The following CAMTA1 variants were observed in gnomAD, a reference collection of about 807,000 sequenced individuals.
The protein encoded by CAMTA1 is calmodulin binding transcription activator 1, also known as calmodulin-binding transcription activator 1.
In CAMTA1, 27 loss-of-function variants were observed where a neutral mutation model predicts 170.9. That is an observed-to-expected ratio of 0.16 (90% CI 0.12 to 0.22). The LOEUF is 0.22. Among genes scored for constraint, CAMTA1 ranks in the 10% least tolerant of loss-of-function variants. CAMTA1 has a pLI of 1.00. For synonymous variants in CAMTA1, 833 were observed against 891.5 expected, an observed-to-expected ratio of 0.93 and a Z score of 1.17; for missense variants, 1,619 against 2,217.2, an observed-to-expected ratio of 0.73 and a Z score of 5.42.
chr1:7,149,425 G>GA (rs964819858), intron 4 of CAMTA1, among the ~76,000 whole-genome samples: 1 of 152,160 alleles, frequency 6.6e-6, no homozygotes, highest in Non-Finnish European at 1.5e-5. Flanking sequence ...AAATGTAGCA[G>GA]AAAAAAATGT....
At chr1:6,940,744 G>A (rs1686304778) in intron 3 of CAMTA1, among the ~76,000 whole-genome samples, 1 of 152,068 alleles carries the variant, frequency 6.6e-6, no homozygotes, top group Non-Finnish European at 1.5e-5. Context: ...GATTACTGGA[G>A]CCCTCGGAGT....
intron 3 of CAMTA1, among the ~76,000 whole-genome samples, chr1:6,867,504 G>A (rs189327931): frequency 4.3e-4 from 66 of 152,314 alleles, no homozygotes; most frequent in African/African-American, 1.6e-3. Context: ...CCTGCTGGCA[G>A]GAGAGGGAGA....
Position 6,965,083 on chromosome 1 carries a change from C to T in CAMTA1, c.235-126221C>T, listed in dbSNP as rs547389974. Among the ~76,000 whole-genome samples the T allele has an allele frequency of 1.1e-4, 16 of 152,276 alleles. No homozygotes were observed. The South Asian group carries it at 3.1e-3, about 30-fold the overall frequency. On this transcript the variant is annotated intron_variant, in intron 3 of 22. Transcript: ENST00000303635. This position sits in a 1 kb window ranked among gnomAD's most constrained non-coding sequence, Gnocchi z 4.1. ...TGCCTGACCCTCTCTTACTTGGGTGCATGGTGCTGGCAAGGAAGAAGCAGG... is the reference window on the plus strand; with the variant it reads ...TGCCTGACCCTCTCTTACTTGGGTGTATGGTGCTGGCAAGGAAGAAGCAGG...
intron 3 of CAMTA1, among the ~76,000 whole-genome samples, chr1:6,826,959 G>A (rs1445933419): frequency 6.6e-6 from 1 of 152,130 alleles, no homozygotes; most frequent in Non-Finnish European, 1.5e-5. Context: ...TTATTTACAT[G>A]TTGCACCTTA....
intron 5 of CAMTA1, among the ~76,000 whole-genome samples, chr1:7,357,947 C>T (rs527945822): frequency 1.3e-5 from 2 of 152,284 alleles, no homozygotes; most frequent in East Asian, 3.9e-4. Context: ...CCCTCAGGGA[C>T]TCTTTGGATG....
intron 3 of CAMTA1, among the ~76,000 whole-genome samples, chr1:7,029,917 A>G (rs1399460915): frequency 6.6e-6 from 1 of 152,232 alleles, no homozygotes; most frequent in Non-Finnish European, 1.5e-5. Context: ...GGTAATGTTT[A>G]ACATTTTTGC....
intron 3 of CAMTA1, among the ~76,000 whole-genome samples, chr1:6,883,324 G>C (rs553158876): frequency 1.3e-5 from 2 of 152,310 alleles, no homozygotes; most frequent in South Asian, 2.1e-4. Context: ...AGAGCTGTAT[G>C]AGTGAAATGG....
chr1:6,851,396 G>A (rs1335021594), intron 3 of CAMTA1, among the ~76,000 whole-genome samples: 1 of 152,164 alleles, frequency 6.6e-6, no homozygotes, highest in Non-Finnish European at 1.5e-5. Flanking sequence ...ATTATAGAGT[G>A]AGTCTTAGGG....
At chr1:7,718,382 G>T (rs920094540) in intron 11 of CAMTA1, among the ~76,000 whole-genome samples, 4 of 152,078 alleles carry the variant, frequency 2.6e-5, no homozygotes, top group Non-Finnish European at 5.9e-5. Flanking sequence ...CTTAATTATT[G>T]TATCCATACC....
At chr1:7,090,484 A>G (rs773991485) in intron 3 of CAMTA1, among the ~76,000 whole-genome samples, 7 of 152,132 alleles carry the variant, frequency 4.6e-5, no homozygotes, top group Non-Finnish European at 8.8e-5. Context: ...TTTAACTTAC[A>G]ATCCCTGCCA....
intron 4 of CAMTA1, among the ~76,000 whole-genome samples, chr1:7,133,584 A>T (rs1645383630): frequency 6.6e-6 from 1 of 152,126 alleles, no homozygotes; most frequent in Non-Finnish European, 1.5e-5. Flanking sequence ...ATATGTGAAA[A>T]GTCTTGTTTC....
chr1:7,499,953 G>T (rs1317561669), intron 6 of CAMTA1, among the ~76,000 whole-genome samples: 1 of 144,546 alleles, frequency 6.9e-6, no homozygotes, highest in East Asian at 2.2e-4. Context: ...AGTGTGTGGA[G>T]AGGACTGTGT....
chr1:7,747,952 G>A (rs2096868831), intron 19 of CAMTA1, among the ~76,000 whole-genome samples, 171 bp downstream of exon 19: 2 of 149,416 alleles, frequency 1.3e-5, no homozygotes, highest in Non-Finnish European at 1.5e-5. Context: ...TGGCTGTGTC[G>A]CCCAGGCTGG....
intron 4 of CAMTA1, among the ~76,000 whole-genome samples, chr1:7,245,340 T>C (rs1385020751): frequency 6.6e-6 from 1 of 151,360 alleles, no homozygotes; most frequent in Non-Finnish European, 1.5e-5. Context: ...ATATATAATA[T>C]ATATTATACA....
chr1:7,060,136 G>A (rs1707987255), intron 3 of CAMTA1, among the ~76,000 whole-genome samples: 1 of 152,142 alleles, frequency 6.6e-6, no homozygotes, highest in Admixed American at 6.5e-5. Context: ...TCCTTTCCTA[G>A]GGGGTGGTAT....
At chr1:7,621,079 G>A (rs1558014121) in intron 6 of CAMTA1, among the ~76,000 whole-genome samples, 1 of 152,228 alleles carries the variant, frequency 6.6e-6, no homozygotes, top group Non-Finnish European at 1.5e-5. Flanking sequence ...GCTGGGAAGA[G>A]CAGGGCCCAA....
rs557101573 is a variant in CAMTA1 at position 6,858,758 on chromosome 1, T to C, written c.234+33548T>C. Among the ~76,000 whole-genome samples the C allele has an allele frequency of 1.3e-3, 191 of 152,298 alleles. 1 individual carries two copies. The highest frequency in any genetic ancestry group is 3.4e-3 in the Middle Eastern group (1 of 294). On this transcript the variant is annotated intron_variant, in intron 3 of 22. Coordinates refer to ENST00000303635, the MANE Select transcript of CAMTA1 (RefSeq NM_015215.4). ...ATTGTCCTCTATTTGCTGAGTCTTA[T>C]GCTTTTATATGAGGACCCCAGTGTC...
chr1:6,906,549 C>T (rs1678532660), intron 3 of CAMTA1, among the ~76,000 whole-genome samples: 1 of 152,108 alleles, frequency 6.6e-6, no homozygotes, highest in South Asian at 2.1e-4. Flanking sequence ...GGGACTTTGG[C>T]CATGGGAGCA....
At chr1:7,689,545 C>T (rs980156360) in intron 11 of CAMTA1, among the ~76,000 whole-genome samples, 3 of 152,066 alleles carry the variant, frequency 2.0e-5, no homozygotes, top group Non-Finnish European at 4.4e-5. Flanking sequence ...TGCCATTGCA[C>T]TCTAGCCTGA....
Sources: gnomAD v4.1 joint callset for allele counts (sites outside exome capture counted in the v4.1 genomes callset) on GRCh38, gnomAD v4.1.1 for gene constraint, Gnocchi (gnomAD v3.1) non-coding constraint, MANE v1.5 for transcripts, NCBI Gene and HGNC (gene_info 2026-07-23, HGNC 2026-07-21) for gene names.